The following NTNG1 variants were observed in gnomAD, a reference collection of about 807,000 sequenced individuals.
NTNG1 encodes the protein netrin-G1.
In NTNG1, 16 loss-of-function variants were observed where a neutral mutation model predicts 54.0. The observed-to-expected ratio is 0.30, with a 90% confidence interval of 0.20 to 0.45. The LOEUF is 0.45. NTNG1 is among the 20% of genes least tolerant of loss of function. The pLI, the probability that NTNG1 is intolerant of heterozygous loss-of-function variation, is 1.00. For synonymous variants in NTNG1, 255 were observed against 263.1 expected (o/e 0.97, Z 0.30); for missense variants, 530 against 678.7 (o/e 0.78, Z 2.43).
chr1:107,384,185 G>A (rs1015586141), intron 3 of NTNG1, among the ~76,000 whole-genome samples: 1 of 152,046 alleles, frequency 6.6e-6, no homozygotes, highest in Non-Finnish European at 1.5e-5. Context: ...TTATAGTCAT[G>A]GTACTCTAGC....
chr1:107,409,808 C>G (rs1420876559), intron 5 of NTNG1: 3 of 152,146 alleles, frequency 2.0e-5, no homozygotes, highest in African/African-American at 7.2e-5. Context: ...TACCTGTTTC[C>G]TGGCTTTTAA....
intron 4 of NTNG1, 29 bp from the exon 5 acceptor site, chr1:107,407,653 C>A: frequency 6.4e-7 from 1 of 1,572,512 alleles, no homozygotes; most frequent in Non-Finnish European, 8.7e-7. Context: ...TAGCTAACAG[C>A]TTTTCTTTAT....
chr1:107,237,060 G>A (rs1661464257), intron 2 of NTNG1, among the ~76,000 whole-genome samples: 2 of 152,218 alleles, frequency 1.3e-5, no homozygotes, highest in South Asian at 4.1e-4. Context: ...ACAGGAAAAT[G>A]TGGGAAGCTT....
chr1:107,215,791 G>T (rs1341448412), intron 2 of NTNG1, among the ~76,000 whole-genome samples: 1 of 151,210 alleles, frequency 6.6e-6, no homozygotes, highest in Non-Finnish European at 1.5e-5. Flanking sequence ...GTTTCTATTT[G>T]CTTGTGTCAT....
At chr1:107,436,903 G>A in intron 7 of NTNG1, 104 bp downstream of exon 7, 6 of 1,069,028 alleles carry the variant, frequency 5.6e-6, no homozygotes, top group Middle Eastern at 3.0e-4. Context: ...GATCCAAACC[G>A]CTGACAAGTT....
intron 2 of NTNG1, among the ~76,000 whole-genome samples, chr1:107,259,274 A>G (rs1370014812): frequency 6.6e-6 from 1 of 152,146 alleles, no homozygotes; most frequent in African/African-American, 2.4e-5. Context: ...TTCCATCTGC[A>G]TTACTGGCTC....
rs559206283 is a variant in NTNG1 at position 107,303,726 on chromosome 1, C to T, written c.247-20556C>T. 1.3e-3 allele frequency among the ~76,000 whole-genome samples: 195 copies of T among 152,214 alleles called. 1 individual carries two copies. The highest frequency in any genetic ancestry group is 4.5e-3 in the African/African-American group (189 of 41,540). On this transcript the variant is annotated intron_variant, in intron 2 of 7. Coordinates refer to ENST00000370068, the MANE Select transcript of NTNG1 (RefSeq NM_001113226.3). ...GTTTTGAGATGGAGTCTTGCTCTGT[C>T]GCCAAGGTGTAATGCAGTGGAACGA...
intron 7 of NTNG1, among the ~76,000 whole-genome samples, chr1:107,477,862 G>T (rs1465908197): frequency 2.0e-5 from 3 of 152,092 alleles, no homozygotes; most frequent in Admixed American, 1.3e-4. Flanking sequence ...AACAGATATT[G>T]GTTAAGCTCA....
chr1:107,259,539 A>G (rs919632450), intron 2 of NTNG1, among the ~76,000 whole-genome samples: 4 of 152,242 alleles, frequency 2.6e-5, no homozygotes, highest in African/African-American at 9.6e-5. Context: ...TTTCATTGAT[A>G]TAAATCCAGA....
At chr1:107,218,779 AC>A (rs1408949096) in intron 2 of NTNG1, among the ~76,000 whole-genome samples, 1 of 152,052 alleles carries the variant, frequency 6.6e-6, no homozygotes, top group Non-Finnish European at 1.5e-5. Flanking sequence ...TGAATATAGG[AC>A]CCCAGTCCCT....
intron 3 of NTNG1, among the ~76,000 whole-genome samples, chr1:107,333,485 A>G (rs1407575662): frequency 6.6e-6 from 1 of 152,062 alleles, no homozygotes; most frequent in East Asian, 1.9e-4. Context: ...ACAGTAAAGA[A>G]ACATTTCTAT....
At chr1:107,446,761 T>G (rs1676330781) in intron 7 of NTNG1, among the ~76,000 whole-genome samples, 1 of 152,072 alleles carries the variant, frequency 6.6e-6, no homozygotes. Flanking sequence ...CTTTACAAAG[T>G]TTTCTGTTTA....
intron 2 of NTNG1, among the ~76,000 whole-genome samples, chr1:107,265,217 T>C (rs1339558206): frequency 6.6e-6 from 1 of 152,154 alleles, no homozygotes; most frequent in Non-Finnish European, 1.5e-5. Flanking sequence ...GATAAAAATT[T>C]ATACCAAATC....
intron 2 of NTNG1, among the ~76,000 whole-genome samples, chr1:107,300,076 G>C (rs1424979397): frequency 6.6e-6 from 1 of 152,126 alleles, no homozygotes; most frequent in Non-Finnish European, 1.5e-5. Context: ...GCCATTTCCA[G>C]AACTCTTCTA....
Position 107,247,231 on chromosome 1 carries a change from A to G in NTNG1, c.247-77051A>G, listed in dbSNP as rs1359759160. The stretch of plus-strand genomic sequence containing the variant: ...TTAATCATGCCACAACAGCACCCTC[A>G]ATCTTGCTTAGAAATAATCATTACT... On this transcript the variant is annotated intron_variant, in intron 2 of 7. Transcript: ENST00000370068. Among the ~76,000 whole-genome samples, 4 of 152,342 alleles carry G rather than the reference A, an allele frequency of 2.6e-5. No individual in the cohort carries two copies. In the East Asian group the frequency reaches 7.7e-4, roughly 29 times the overall value.
chr1:107,261,582 G>C (rs1570523533), intron 2 of NTNG1, among the ~76,000 whole-genome samples: 2 of 152,248 alleles, frequency 1.3e-5, no homozygotes, highest in South Asian at 2.1e-4. Context: ...GGTGGCTCAC[G>C]CCTGTAATCC....
At chr1:107,389,284 CT>C (rs1672214240) in intron 3 of NTNG1, among the ~76,000 whole-genome samples, 2 of 152,176 alleles carry the variant, frequency 1.3e-5, no homozygotes, top group Admixed American at 6.5e-5. Context: ...TCATGTTTTT[CT>C]TCACAAAGGG....
intron 3 of NTNG1, among the ~76,000 whole-genome samples, chr1:107,352,608 G>T (rs1189338457): frequency 6.6e-6 from 1 of 152,180 alleles, no homozygotes; most frequent in African/African-American, 2.4e-5. Flanking sequence ...CCAAAAGGGA[G>T]AAATCAGCCA....
intron 2 of NTNG1, among the ~76,000 whole-genome samples, chr1:107,318,275 C>T (rs1667449950): frequency 6.6e-6 from 1 of 152,104 alleles, no homozygotes; most frequent in African/African-American, 2.4e-5. Flanking sequence ...CTGGATGTTA[C>T]CCACCCACTA....
Sources: gnomAD v4.1 joint callset for allele counts (sites outside exome capture counted in the v4.1 genomes callset) on GRCh38, gnomAD v4.1.1 for gene constraint, MANE v1.5 for transcripts, NCBI Gene and HGNC (gene_info 2026-07-23, HGNC 2026-07-21) for gene names.